The following PHKA1 variants were observed in gnomAD, a reference collection of about 807,000 sequenced individuals.
PHKA1 encodes phosphorylase kinase regulatory subunit alpha 1.
PHKA1 carries 60 observed loss-of-function variants against 110.2 expected under a neutral mutation model. That is an observed-to-expected ratio of 0.54 (90% CI 0.44 to 0.68). PHKA1 has a LOEUF of 0.68. Ranked by LOEUF, PHKA1 falls within the 30% of genes least tolerant of loss-of-function variation. The probability of loss-of-function intolerance (pLI) is 0.00; values close to 1 mark genes in which losing one functional copy is unlikely to be tolerated. For synonymous variants in PHKA1, 316 were observed against 333.6 expected (o/e 0.95, Z 0.58); for missense variants, 801 against 942.5 (o/e 0.85, Z 1.97).
intron 16 of PHKA1, among the ~76,000 whole-genome samples, chrX:72,627,869 G>T (rs1336382610): frequency 1.9e-5 from 2 of 103,202 alleles, no homozygotes; most frequent in Non-Finnish European, 3.9e-5. Context: ...CTAGGCTGGG[G>T]TGCAATGGCT....
intron 26 of PHKA1, 142 bp from the exon 27 acceptor site, chrX:72,602,415 T>C: frequency 2.1e-6 from 1 of 482,603 alleles, no homozygotes. Flanking sequence ...TGAAATGTGG[T>C]CCATGGACCA....
chrX:72,624,805 C>A (rs2147714764), intron 17 of PHKA1, among the ~76,000 whole-genome samples: 2 of 111,868 alleles, frequency 1.8e-5, no homozygotes, highest in Non-Finnish European at 3.8e-5. Context: ...AGTATTCCTG[C>A]CAAAAACATG....
At chrX:72,622,179 T>G in intron 18 of PHKA1, 1 of 752,395 alleles carries the variant, frequency 1.3e-6, no homozygotes, top group Non-Finnish European at 1.6e-6. Flanking sequence ...ATGAATGAAG[T>G]GGTGCTTAGT....
At chrX:72,612,332 T>C (rs1375676042) in intron 21 of PHKA1, among the ~76,000 whole-genome samples, 12 of 111,086 alleles carry the variant, frequency 1.1e-4, no homozygotes, top group Non-Finnish European at 2.1e-4. Context: ...AATGGAGGGA[T>C]TGGGGGTTGA....
intron 5 of PHKA1, among the ~76,000 whole-genome samples, chrX:72,680,768 G>A (rs1337577104): frequency 5.5e-5 from 5 of 91,600 alleles, no homozygotes; most frequent in African/African-American, 1.7e-4. Flanking sequence ...CCGACCGCCG[G>A]GAGGATGGAG....
chrX:72,644,556 A>G (rs2053337710), intron 13 of PHKA1, 60 bp from the exon 14 acceptor site: 4 of 1,006,310 alleles, frequency 4.0e-6, no homozygotes, highest in South Asian at 4.0e-5. Flanking sequence ...CAACTTAACA[A>G]TCTCTCAAGT....
At position 72,584,249 on chromosome X, in the gene PHKA1, C is replaced by T; in HGVS notation, c.3297G>A (p.Glu1099=). 1 of 1,198,818 alleles carries T rather than the reference C, an allele frequency of 8.3e-7. No homozygotes were observed. The highest frequency in any genetic ancestry group is 1.1e-6 in the Non-Finnish European group (1 of 883,770). Residue 1099 remains glutamate (E), a splice_region_variant and synonymous_variant, in exon 30 of 32, where the codon GAG becomes GAA. Transcript: ENST00000373542. ...GFVLPSSTTR[E]MTPGEIKFSV... ...AAATGTGCAAGAAAGAGACTCTTAC[C>T]TCTCTAGTGGTAGAGGAAGGAAGGA... is the stretch of plus-strand genomic sequence containing the variant.
chrX:72,688,318 G>A (rs782268421), intron 4 of PHKA1, among the ~76,000 whole-genome samples: 8 of 112,116 alleles, frequency 7.1e-5, no homozygotes, highest in Admixed American at 2.8e-4. Context: ...TCTTGCAATC[G>A]TAATGACACT....
chrX:72,660,083 C>A (rs1395810601), intron 8 of PHKA1, among the ~76,000 whole-genome samples: 1 of 111,891 alleles, frequency 8.9e-6, no homozygotes, highest in African/African-American at 3.3e-5. Flanking sequence ...TTTTCCATAC[C>A]TTTTAGTGTG....
chrX:72,675,273 T>C (rs903331763), intron 6 of PHKA1, among the ~76,000 whole-genome samples: 2 of 110,126 alleles, frequency 1.8e-5, no homozygotes, highest in East Asian at 2.8e-4. Context: ...AAAATTCTAT[T>C]GTGACTCCCT....
Position 72,653,538 on chromosome X carries a change from T to A in PHKA1, c.1042-8A>T. On this transcript the variant is annotated splice_region_variant and splice_polypyrimidine_tract_variant and intron_variant, in intron 10 of 31. Coordinates refer to ENST00000373542, the MANE Select transcript of PHKA1 (RefSeq NM_002637.4). ...CTCTTTATATTCTTGAACCTGCAGA[T>A]AAAAGAAAGGCAGGAAAAAAAGACT... is the stretch of plus-strand genomic sequence containing the variant. 1 of 1,149,088 alleles carries A rather than the reference T, an allele frequency of 8.7e-7. No homozygotes were observed. 94.7% of individuals were successfully genotyped at this position (1,149,088 alleles called of 1,213,427 possible).
chrX:72,698,826 C>T (rs782201193), intron 3 of PHKA1, among the ~76,000 whole-genome samples: 4 of 112,264 alleles, frequency 3.6e-5, no homozygotes, highest in Non-Finnish European at 1.9e-5. Context: ...TGAACAAGGA[C>T]GGCTTGGGGC....
intron 28 of PHKA1, among the ~76,000 whole-genome samples, chrX:72,601,241 A>C (rs1212026171): frequency 8.9e-6 from 1 of 112,101 alleles, no homozygotes; most frequent in Non-Finnish European, 1.9e-5. Context: ...ATCTTGTTAA[A>C]GAAAAAATTA....
chrX:72,683,625 G>A (rs958375586), intron 5 of PHKA1, among the ~76,000 whole-genome samples: 3 of 112,107 alleles, frequency 2.7e-5, no homozygotes, highest in Non-Finnish European at 5.6e-5. Context: ...ATACTCTTCT[G>A]TAATTTATCT....
chrX:72,591,454 T>C (rs994192365), intron 29 of PHKA1, among the ~76,000 whole-genome samples: 2 of 111,185 alleles, frequency 1.8e-5, no homozygotes, highest in African/African-American at 6.6e-5. Flanking sequence ...GAGAAATACC[T>C]AATGTAAATG....
chrX:72,591,273 G>A (rs782135056), intron 29 of PHKA1, among the ~76,000 whole-genome samples: 26 of 111,677 alleles, frequency 2.3e-4, no homozygotes, highest in African/African-American at 8.1e-4. Context: ...GGACATAGAC[G>A]AAGCTGGAGA....
intron 21 of PHKA1, among the ~76,000 whole-genome samples, chrX:72,612,118 T>G (rs542341477): frequency 1.8e-5 from 2 of 112,491 alleles, no homozygotes; most frequent in African/African-American, 6.4e-5. Flanking sequence ...ATGTGTTATA[T>G]TTATACAGGA....
intron 9 of PHKA1, among the ~76,000 whole-genome samples, chrX:72,656,533 C>G (rs2053499102): frequency 8.9e-6 from 1 of 112,046 alleles, no homozygotes; most frequent in Admixed American, 9.5e-5. Flanking sequence ...ATAGGACATA[C>G]AAGTAGAAAT....
intron 5 of PHKA1, among the ~76,000 whole-genome samples, chrX:72,680,163 C>T (rs1382209774): frequency 1.8e-5 from 2 of 110,903 alleles, no homozygotes; most frequent in Non-Finnish European, 3.8e-5. Flanking sequence ...TACAGGCACA[C>T]GCCACCACGC....
Sources: gnomAD v4.1 joint callset for allele counts (sites outside exome capture counted in the v4.1 genomes callset) on GRCh38, gnomAD v4.1.1 for gene constraint, MANE v1.5 for transcripts, NCBI Gene and HGNC (gene_info 2026-07-23, HGNC 2026-07-21) for gene names.